AQP7B: variants seen among roughly 807,000 people sequenced by gnomAD.
AQP7B encodes the protein putative aquaporin-7B.
chr2:94,595,938 AAC>A, the AQP7B span, among the ~76,000 whole-genome samples: 4 of 152,224 alleles, frequency 2.6e-5, no homozygotes. Context: ...GGTGGTTGTC[AAC>A]ACTCTCTAGA....
At chr2:94,602,452 C>T in the AQP7B span, 1 of 1,581,484 alleles carries the variant, frequency 6.3e-7, no homozygotes, top group Non-Finnish European at 8.6e-7. Flanking sequence ...GAGGTTGGGG[C>T]TTCTGGGCAG....
At chr2:94,592,718 A>G in the AQP7B span, among the ~76,000 whole-genome samples, 1 of 146,974 alleles carries the variant, frequency 6.8e-6, no homozygotes, top group Non-Finnish European at 1.5e-5. Flanking sequence ...CCAAAGATTT[A>G]TTGAATCTAC....
chr2:94,604,267 G>A, the AQP7B span: 4 of 1,579,534 alleles, frequency 2.5e-6, no homozygotes, highest in Admixed American at 1.7e-5. Flanking sequence ...CCCTCAGCAG[G>A]CCTCTGCCTC....
At chr2:94,590,871 G>C in the AQP7B span, among the ~76,000 whole-genome samples, 1 of 148,916 alleles carries the variant, frequency 6.7e-6, no homozygotes, top group Non-Finnish European at 1.5e-5. Flanking sequence ...TTGAACCCTG[G>C]GAAGTCTAGG....
chr2:94,588,561 C>A, the AQP7B span: 12 of 774,658 alleles, frequency 1.5e-5, no homozygotes, highest in Non-Finnish European at 2.2e-5. Flanking sequence ...AGTACCCCAC[C>A]CTCTTCTCAC....
the AQP7B span, among the ~76,000 whole-genome samples, chr2:94,590,359 T>A: frequency 5.9e-5 from 9 of 152,128 alleles, no homozygotes; most frequent in Non-Finnish European, 1.0e-4. Context: ...ATTTTTTTTT[T>A]TTATTTTTAG....
chr2:94,588,546 CGGT>C, the AQP7B span: 14 of 871,556 alleles, frequency 1.6e-5, no homozygotes, highest in East Asian at 3.4e-4. Flanking sequence ...TGGGCACAGG[CGGT>C]AAGTACCCCA....
the AQP7B span, among the ~76,000 whole-genome samples, chr2:94,597,289 C>T: frequency 5.3e-5 from 8 of 152,170 alleles, no homozygotes; most frequent in African/African-American, 1.4e-4. Flanking sequence ...CCCTTGGAAC[C>T]TCAGAAGCAG....
At chr2:94,596,668 G>A in the AQP7B span, among the ~76,000 whole-genome samples, 413 of 152,206 alleles carry the variant, frequency 2.7e-3, 2 homozygotes, top group African/African-American at 9.2e-3. Context: ...CTAGCTGTGC[G>A]ACTATCCACA....
the AQP7B span, among the ~76,000 whole-genome samples, chr2:94,599,622 C>T: frequency 6.6e-6 from 1 of 152,140 alleles, no homozygotes; most frequent in Non-Finnish European, 1.5e-5. Context: ...AGGACCCCTC[C>T]ACTTCTGCAC....
At chr2:94,591,267 C>T in the AQP7B span, among the ~76,000 whole-genome samples, 3 of 152,158 alleles carry the variant, frequency 2.0e-5, no homozygotes, top group Non-Finnish European at 4.4e-5. Context: ...CTCAACATGT[C>T]CAGAAAGGGC....
chr2:94,599,108 C>A, the AQP7B span, among the ~76,000 whole-genome samples: 5 of 152,274 alleles, frequency 3.3e-5, 1 homozygote, highest in East Asian at 9.7e-4. Context: ...GGCCTATGCT[C>A]ATCCAGTATT....
At chr2:94,599,895 T>C in the AQP7B span, among the ~76,000 whole-genome samples, 1 of 151,856 alleles carries the variant, frequency 6.6e-6, no homozygotes, top group Non-Finnish European at 1.5e-5. Flanking sequence ...TTTCTTTTTT[T>C]TGAGATGGAG....
At chr2:94,600,876 C>CAA in the AQP7B span, among the ~76,000 whole-genome samples, 1,992 of 84,532 alleles carry the variant, frequency 0.024, 26 homozygotes, top group Admixed American at 0.035. Flanking sequence ...AAGACTGTCT[C>CAA]AAAAAAAAAA....
chr2:94,601,952 T>A, the AQP7B span, among the ~76,000 whole-genome samples: 1 of 150,908 alleles, frequency 6.6e-6, no homozygotes, highest in African/African-American at 2.4e-5. Context: ...CTGAGGTCAG[T>A]GGAAATGAAG....
chr2:94,599,892 T>C, the AQP7B span, among the ~76,000 whole-genome samples: 1 of 151,152 alleles, frequency 6.6e-6, no homozygotes, highest in South Asian at 2.1e-4. Context: ...TTTTTTCTTT[T>C]TTTTGAGATG....
At chr2:94,603,813 C>T in the AQP7B span, 11 of 1,508,660 alleles carry the variant, frequency 7.3e-6, no homozygotes, top group South Asian at 4.6e-5. Context: ...TAAGCATCCT[C>T]GTGGTCATCA....
chr2:94,594,882 G>A, the AQP7B span: 22 of 1,492,630 alleles, frequency 1.5e-5, no homozygotes, highest in Middle Eastern at 3.5e-4. Flanking sequence ...TGGTGAGTGG[G>A]TGGGCAGCAC....
the AQP7B span, chr2:94,603,156 ATCTACAG>A: frequency 1.3e-6 from 2 of 1,524,096 alleles, no homozygotes; most frequent in Admixed American, 3.8e-5. Context: ...AGCTGCCACC[ATCTACAG>A]TCTCTTCTAC....
Sources: gnomAD v4.1 joint callset for allele counts (sites outside exome capture counted in the v4.1 genomes callset) on GRCh38, gnomAD v4.1.1 for gene constraint, MANE v1.5 for transcripts, NCBI Gene and HGNC (gene_info 2026-07-23, HGNC 2026-07-21) for gene names.